The following TUT7 variants were observed in gnomAD, a reference collection of about 807,000 sequenced individuals.
TUT7 encodes the protein terminal uridylyltransferase 7.
TUT7 carries 33 observed loss-of-function variants against 165.9 expected under a neutral mutation model. The ratio of observed to expected loss-of-function variants is 0.20; its 90% CI spans 0.15 to 0.27. TUT7 has a LOEUF of 0.27. Ranked by LOEUF, TUT7 falls within the 10% of genes least tolerant of loss-of-function variation. The pLI is 1.00. For missense variants in TUT7, 1,338 were observed against 1,762.3 expected, an observed-to-expected ratio of 0.76 and a Z score of 4.31; for synonymous variants, 552 against 608.1, an observed-to-expected ratio of 0.91 and a Z score of 1.36.
chr9:86,324,200 A>T (rs1829581433), intron 12 of TUT7, among the ~76,000 whole-genome samples: 2 of 152,202 alleles, frequency 1.3e-5, no homozygotes, highest in African/African-American at 4.8e-5. Flanking sequence ...GTTCAGAACC[A>T]GTACCCCTTC....
Position 86,322,487 on chromosome 9 carries a change from T to C in TUT7, c.2878-12A>G. On this transcript the variant is annotated splice_polypyrimidine_tract_variant and intron_variant, in intron 13 of 26. Transcript: ENST00000375963. Reference sequence around the variant, plus strand: ...ACTACCGTAGGAGACTGCAGGAATATGGCAAAGCAAAACAAGACTTAACAC... The same window carrying C: ...ACTACCGTAGGAGACTGCAGGAATACGGCAAAGCAAAACAAGACTTAACAC... The C allele has an allele frequency of 1.3e-6, 2 of 1,596,922 alleles. No individual in the cohort carries two copies. Among genetic ancestry groups the C allele is most frequent in the Non-Finnish European group, 1.7e-6 (2 of 1,174,808 alleles).
intron 10 of TUT7, chr9:86,336,884 C>G (rs887832667): frequency 6.6e-6 from 1 of 152,286 alleles, no homozygotes; most frequent in Admixed American, 6.5e-5. Context: ...TCTAATTCAT[C>G]TTTAAAATAA....
chr9:86,341,265 C>T (rs368415277), intron 6 of TUT7, among the ~76,000 whole-genome samples: 3 of 152,310 alleles, frequency 2.0e-5, no homozygotes, highest in African/African-American at 4.8e-5. Flanking sequence ...AAGAGACCTA[C>T]TATACAACTA....
chr9:86,345,289 C>A, intron 4 of TUT7, 135 bp from the exon 5 acceptor site: 1 of 802,080 alleles, frequency 1.2e-6, no homozygotes, highest in South Asian at 2.1e-5. Flanking sequence ...TAGTTTTCAT[C>A]CTATCAAACA....
Position 86,319,065 on chromosome 9 carries a change from G to T in TUT7, c.3116-7C>A. 6.2e-7 allele frequency: 1 copy of T among 1,601,418 alleles called. No individual in the cohort carries two copies. Reference sequence around the variant, plus strand: ...AACAGGCTCAATTTAGTTCCTGTTAGGGATATATGAAAAGTAATAACTAAT... The same window carrying T: ...AACAGGCTCAATTTAGTTCCTGTTATGGATATATGAAAAGTAATAACTAAT... On this transcript the variant is annotated splice_polypyrimidine_tract_variant and splice_region_variant and intron_variant, in intron 15 of 26. Coordinates refer to ENST00000375963, the MANE Select transcript of TUT7 (RefSeq NM_024617.4).
intron 14 of TUT7, 88 bp downstream of exon 14, chr9:86,322,237 A>G: frequency 8.0e-7 from 1 of 1,244,900 alleles, no homozygotes; most frequent in Non-Finnish European, 1.1e-6. Flanking sequence ...AATAATGTTT[A>G]GAGACCTAAA....
chr9:86,338,985 AAAAG>A, intron 8 of TUT7, 36 bp from the exon 9 acceptor site: 1 of 1,527,946 alleles, frequency 6.5e-7, no homozygotes, highest in Non-Finnish European at 8.8e-7. Flanking sequence ...GGGAAAGAAA[AAAAG>A]AAAAAAGTGT....
At chr9:86,333,048 A>G (rs887010138) in intron 10 of TUT7, among the ~76,000 whole-genome samples, 1 of 152,024 alleles carries the variant, frequency 6.6e-6, no homozygotes, top group Non-Finnish European at 1.5e-5. Context: ...ACTCTTTCTG[A>G]GTAATTCTGG....
chr9:86,323,565 C>G lies in TUT7; in HGVS notation c.2185G>C (p.Ala729Pro). 6.2e-7 allele frequency: 1 copy of G among 1,614,216 alleles called. No individual in the cohort carries two copies. Among genetic ancestry groups the G allele is most frequent in the Non-Finnish European group, 8.5e-7 (1 of 1,180,036 alleles). ...TTGTAATCATCAGAGTTAACATCTG[C>G]TTGGATACAGTCTGAGTTTTCAGGG... ...VHPENSDCIQ[A>P]DVNSDDYKGD... is the part of the protein sequence containing the mutation. Residue 729 changes from alanine (A) to proline (P), a missense_variant, in exon 13 of 27, where the codon GCA becomes CCA. By Grantham distance (27) the Ala-to-Pro change is conservative (BLOSUM62 -1). This residue lies in a region of TUT7 where 425 missense variants were observed against 474.9 expected (regional missense o/e 0.89). Transcript: ENST00000375963.
intron 10 of TUT7, among the ~76,000 whole-genome samples, chr9:86,336,161 G>GT (rs911328027): frequency 5.9e-5 from 9 of 152,212 alleles, no homozygotes; most frequent in Non-Finnish European, 1.0e-4. Flanking sequence ...TTGTGCCAGG[G>GT]TTTTTTTAGG....
chr9:86,301,488 A>G lies in TUT7; in HGVS notation c.4208T>C (p.Val1403Ala). 6.2e-7 allele frequency: 1 copy of G among 1,611,658 alleles called. No individual in the cohort carries two copies. The highest frequency in any genetic ancestry group is 8.5e-7 in the Non-Finnish European group (1 of 1,179,448). The change falls in exon 26 of 27, where the codon GTG becomes GCG. Residue 1403 changes from valine (V) to alanine (A), a missense_variant. By Grantham distance (64) the Val-to-Ala change is moderately conservative. Transcript: ENST00000375963. ...EIHNKYTERE[V>A]STKEDKPIQC... ...TATGGGCTTATCTTCTTTTGTTGAC[A>G]CCTCCCTTTCTGTGTACTTGTTGTG...
At chr9:86,322,525 A>G (rs1475210186) in intron 13 of TUT7, 50 bp from the exon 14 acceptor site, 1 of 1,565,124 alleles carries the variant, frequency 6.4e-7, no homozygotes, top group Non-Finnish European at 8.6e-7. Flanking sequence ...TATTTGCCAA[A>G]TAAAGGAGTC....
At chr9:86,330,344 G>C (rs1000872852) in intron 10 of TUT7, among the ~76,000 whole-genome samples, 9 of 152,200 alleles carry the variant, frequency 5.9e-5, no homozygotes, top group Non-Finnish European at 1.3e-4. Context: ...ACAGGCGTGA[G>C]CCACCATGCC....
In TUT7 at chr9:86,310,015, G is replaced by A. The variant is rs1169903593; in HGVS notation, c.3381C>T (p.Ala1127=). The A allele has an allele frequency of 1.9e-6, 3 of 1,612,540 alleles. No individual in the cohort carries two copies. The highest frequency in any genetic ancestry group is 2.7e-5 in the African/African-American group (2 of 74,814). Residue 1127 remains alanine (A), a splice_region_variant and synonymous_variant, in exon 19 of 27, where the codon GCC becomes GCT. Coordinates refer to ENST00000375963, the MANE Select transcript of TUT7 (RefSeq NM_024617.4). ...EVDISLYNTL[A]LHNTRLLSAY... ...CAGATAAAAGCCTTGTGTTATGAAG[G>A]GCCTGTTAAAAGGAAAATAACACTA...
At chr9:86,315,631 T>G (rs1480588673) in intron 17 of TUT7, among the ~76,000 whole-genome samples, 1 of 152,238 alleles carries the variant, frequency 6.6e-6, no homozygotes, top group African/African-American at 2.4e-5. Flanking sequence ...TCAGTTTCTT[T>G]GCACGACCTT....
At position 86,334,708 on chromosome 9, in the gene TUT7, T is replaced by G. The variant is rs75889449; in HGVS notation, c.1455+2711A>C. On this transcript the variant is annotated intron_variant, in intron 10 of 26. Transcript: ENST00000375963. ...CTGGTTCAGGAGTTGGGCAGAGACA[T>G]CCTGAGTTTTTATACCCAGGGTTCT... is the stretch of plus-strand genomic sequence containing the variant. Among the ~76,000 whole-genome samples the G allele has an allele frequency of 7.9e-3, 1,199 of 152,258 alleles. 21 individuals carry two copies. Among genetic ancestry groups the G allele is most frequent in the African/African-American group, 0.028 (1,156 of 41,544 alleles).
In TUT7 at chr9:86,337,529, T is replaced by C. The variant is rs772785457; in HGVS notation, c.1345A>G (p.Ile449Val). Residue 449 changes from isoleucine to valine, a missense_variant, in exon 10 of 27, where the codon ATA (isoleucine) becomes GTA (valine). Ile to Val is a conservative substitution (Grantham distance 29). Transcript: ENST00000375963. ...AGACCTCCTTCTTCAGGGCGATCTA[T>C]ACTGCAAAGCTACAAACAAGAGAAA... Reference protein sequence around the residue: ...AFRYWAKLCSIDRPEEGGLPP... With the variant: ...AFRYWAKLCSVDRPEEGGLPP... 1.2e-6 allele frequency: 2 copies of C among 1,601,030 alleles called. No homozygotes were observed. Among genetic ancestry groups the C allele is most frequent in the Non-Finnish European group, 1.7e-6 (2 of 1,176,774 alleles).
chr9:86,333,838 T>A (rs1830533434), intron 10 of TUT7, among the ~76,000 whole-genome samples: 1 of 152,146 alleles, frequency 6.6e-6, no homozygotes, highest in African/African-American at 2.4e-5. Flanking sequence ...AGGTTTTATG[T>A]TTATCTGGCT....
At chr9:86,314,342 C>T (rs1828509779) in intron 17 of TUT7, among the ~76,000 whole-genome samples, 1 of 152,124 alleles carries the variant, frequency 6.6e-6, no homozygotes, top group East Asian at 1.9e-4. Flanking sequence ...TAATTTCTGT[C>T]TAGTCTCTTT....
Sources: allele counts gnomAD v4.1 joint callset (sites outside exome capture counted in the v4.1 genomes callset), GRCh38; gene constraint gnomAD v4.1.1; regional missense constraint gnomAD v4.1.1; transcripts MANE v1.5; gene names NCBI Gene and HGNC (gene_info 2026-07-23, HGNC 2026-07-21).